Variants in SLC9A9 observed in about 807,000 individuals in gnomAD.
SLC9A9 encodes sodium/hydrogen exchanger 9.
Under a neutral mutation model 77.8 loss-of-function variants are expected in SLC9A9, and 62 were observed. That is an observed-to-expected ratio of 0.80 (90% CI 0.65 to 0.98). The LOEUF is 0.98. SLC9A9 is among the 50% of genes least tolerant of loss of function. The pLI is 0.00. For synonymous variants in SLC9A9, 320 were observed against 283.5 expected (o/e 1.13, Z -1.29); for missense variants, 775 against 774.9 (o/e 1.00, Z 0.00).
chr3:143,646,885 G>A (rs1330996450), intron 6 of SLC9A9, among the ~76,000 whole-genome samples: 3 of 152,024 alleles, frequency 2.0e-5, no homozygotes, highest in Non-Finnish European at 4.4e-5. Context: ...TTAAATATTT[G>A]CCAGGTAAAA....
At position 143,266,790 on chromosome 3, in the gene SLC9A9, C is replaced by T; in HGVS notation, c.1850G>A (p.Gly617Asp). The change falls in exon 16 of 16, where the codon GGC becomes GAC. Residue 617 changes from glycine (G) to aspartate (D), a missense_variant. By Grantham distance (94) the Gly-to-Asp change is moderately conservative. Coordinates refer to ENST00000316549, the MANE Select transcript of SLC9A9 (RefSeq NM_173653.4). ...GTCTCCCTCATAAATGTTTTCCTTG[C>T]CTGGCGTCTGGGGTGAAGCTTTCTG... ...LDQKASPQTP[G>D]KENIYEGDLG... is the part of the protein sequence containing the mutation. The T allele has an allele frequency of 6.2e-7, 1 of 1,614,204 alleles. No homozygotes were observed. Among genetic ancestry groups the T allele is most frequent in the Non-Finnish European group, 8.5e-7 (1 of 1,180,048 alleles).
At chr3:143,564,568 G>C (rs2108649141) in intron 8 of SLC9A9, among the ~76,000 whole-genome samples, 1 of 152,206 alleles carries the variant, frequency 6.6e-6, no homozygotes, top group African/African-American at 2.4e-5. Flanking sequence ...TACAACCACT[G>C]AAAGTGAACC....
intron 4 of SLC9A9, among the ~76,000 whole-genome samples, chr3:143,728,582 G>T (rs1321971435): frequency 2.0e-5 from 3 of 152,140 alleles, no homozygotes; most frequent in Admixed American, 6.5e-5. Context: ...GGAATTTCAA[G>T]CAGCATGGGA....
At chr3:143,812,398 C>T (rs73869028) in intron 2 of SLC9A9, among the ~76,000 whole-genome samples, 7,371 of 152,210 alleles carry the variant, frequency 0.048, 263 homozygotes, top group African/African-American at 0.095. Context: ...ATTCATAAAA[C>T]GCGCCTGTTA....
chr3:143,377,225 G>T (rs1035103307), intron 13 of SLC9A9, among the ~76,000 whole-genome samples: 10 of 152,154 alleles, frequency 6.6e-5, no homozygotes, highest in African/African-American at 2.4e-4. Context: ...TATCAATTGT[G>T]CAAAAGAACA....
intron 11 of SLC9A9, among the ~76,000 whole-genome samples, chr3:143,475,491 T>G (rs2035459054): frequency 6.6e-6 from 1 of 151,906 alleles, no homozygotes; most frequent in African/African-American, 2.4e-5. Context: ...GTCATTTTTG[T>G]GTTTAAAAGT....
rs567352340 is a variant in SLC9A9 at position 143,516,742 on chromosome 3, A to G, written c.1090-21294T>C. Among the ~76,000 whole-genome samples the G allele has an allele frequency of 8.1e-4, 123 of 152,242 alleles. 1 individual carries two copies. Among genetic ancestry groups the G allele is most frequent in the African/African-American group, 2.9e-3 (121 of 41,540 alleles). On this transcript the variant is annotated intron_variant, in intron 9 of 15. Transcript: ENST00000316549. The stretch of plus-strand genomic sequence containing the variant: ...TTTATTAAAGTAGTAGTGTATTTTC[A>G]TGTGTTTTAAAATAGGTATCATTCT...
chr3:143,382,030 A>G (rs1465340944), intron 13 of SLC9A9, 30 bp downstream of exon 13: 4 of 1,612,844 alleles, frequency 2.5e-6, no homozygotes, highest in African/African-American at 1.3e-5. Flanking sequence ...TCATATCTCT[A>G]TATAATGTGC....
At chr3:143,580,551 G>A (rs936831254) in intron 6 of SLC9A9, among the ~76,000 whole-genome samples, 5 of 152,078 alleles carry the variant, frequency 3.3e-5, no homozygotes, top group Admixed American at 6.5e-5. Context: ...AAATTCAGGA[G>A]ATTTTATTAA....
chr3:143,759,500 G>A (rs1641973146), intron 4 of SLC9A9, among the ~76,000 whole-genome samples: 1 of 152,078 alleles, frequency 6.6e-6, no homozygotes, highest in South Asian at 2.1e-4. Context: ...CAGAAGGAGA[G>A]AAACAAGTGG....
intron 8 of SLC9A9, among the ~76,000 whole-genome samples, chr3:143,554,697 C>A (rs62269791): frequency 0.1 from 15,714 of 152,210 alleles, 916 homozygotes; most frequent in Non-Finnish European, 0.13. Flanking sequence ...CCTGCCCCTT[C>A]CCCACTCCCC....
At chr3:143,623,831 T>C (rs1251321709) in intron 6 of SLC9A9, among the ~76,000 whole-genome samples, 3 of 152,082 alleles carry the variant, frequency 2.0e-5, no homozygotes, top group Admixed American at 1.3e-4. Flanking sequence ...CAGGAGCTAG[T>C]TTTTTGAAAA....
intron 12 of SLC9A9, among the ~76,000 whole-genome samples, chr3:143,463,078 A>G (rs756867466): frequency 1.3e-5 from 2 of 152,232 alleles, no homozygotes; most frequent in African/African-American, 4.8e-5. Flanking sequence ...ACTCAATACA[A>G]GTCAGTTATT....
At chr3:143,674,948 C>T (rs1284799166) in intron 5 of SLC9A9, among the ~76,000 whole-genome samples, 2 of 152,106 alleles carry the variant, frequency 1.3e-5, no homozygotes, top group African/African-American at 4.8e-5. Flanking sequence ...GGGCTGTGGA[C>T]TAGTGCTACT....
intron 2 of SLC9A9, among the ~76,000 whole-genome samples, chr3:143,811,940 GA>G (rs2008878155): frequency 6.6e-6 from 1 of 151,944 alleles, no homozygotes; most frequent in Non-Finnish European, 1.5e-5. Context: ...ATAAAATATT[GA>G]AGCAATGGTT....
At chr3:143,841,357 T>TA (rs537764972) in intron 1 of SLC9A9, among the ~76,000 whole-genome samples, 1 of 152,230 alleles carries the variant, frequency 6.6e-6, no homozygotes, top group African/African-American at 2.4e-5. Flanking sequence ...TTTTCCTACC[T>TA]AAAAAATGGT....
chr3:143,283,788 T>C (rs1008615306), intron 14 of SLC9A9, among the ~76,000 whole-genome samples: 9 of 152,146 alleles, frequency 5.9e-5, no homozygotes, highest in African/African-American at 1.7e-4. Flanking sequence ...ATATCCACCA[T>C]ATCAACACAT....
chr3:143,795,475 A>T (rs1054593657), intron 3 of SLC9A9, among the ~76,000 whole-genome samples: 45 of 152,194 alleles, frequency 3.0e-4, no homozygotes, highest in Admixed American at 2.6e-3. Flanking sequence ...AAACAACAAC[A>T]ACAACAAAAC....
chr3:143,730,708 C>T (rs939227452), intron 4 of SLC9A9, among the ~76,000 whole-genome samples: 16 of 152,110 alleles, frequency 1.1e-4, no homozygotes, highest in African/African-American at 3.6e-4. Context: ...TCATAAATTT[C>T]GGTGCCTATT....
Sources: gnomAD v4.1 joint callset for allele counts (sites outside exome capture counted in the v4.1 genomes callset) on GRCh38, gnomAD v4.1.1 for gene constraint, MANE v1.5 for transcripts, NCBI Gene and HGNC (gene_info 2026-07-23, HGNC 2026-07-21) for gene names.